THSD4: variants seen among roughly 807,000 people sequenced by gnomAD.
THSD4 encodes thrombospondin type 1 domain containing 4.
Under a neutral mutation model 119.0 loss-of-function variants are expected in THSD4, and 69 were observed. The ratio of observed to expected loss-of-function variants is 0.58; its 90% CI spans 0.48 to 0.71. THSD4 has a LOEUF of 0.71. THSD4 is among the 30% of genes least tolerant of loss of function. THSD4 has a pLI of 0.00. For synonymous variants in THSD4, 524 were observed against 540.4 expected (o/e 0.97, Z 0.42); for missense variants, 1,393 against 1,391.1 (o/e 1.00, Z -0.02).
intron 7 of THSD4, among the ~76,000 whole-genome samples, chr15:71,460,325 T>A (rs1487017281): frequency 6.6e-6 from 1 of 151,290 alleles, no homozygotes; most frequent in African/African-American, 2.4e-5. Context: ...TTTTTTTTTT[T>A]TTGAAAGCAT....
intron 7 of THSD4, among the ~76,000 whole-genome samples, chr15:71,555,120 C>T (rs149192475): frequency 6.6e-6 from 1 of 152,314 alleles, no homozygotes; most frequent in African/African-American, 2.4e-5. Context: ...GTGGCTCATG[C>T]CTCTGATCCC....
At chr15:71,643,407 C>T (rs555272992) in intron 7 of THSD4, among the ~76,000 whole-genome samples, 47 of 152,158 alleles carry the variant, frequency 3.1e-4, no homozygotes, top group South Asian at 6.2e-4. Context: ...TTTCATCACC[C>T]CAGTACGAAG....
intron 6 of THSD4, among the ~76,000 whole-genome samples, chr15:71,295,411 G>C (rs1286096907): frequency 6.6e-6 from 1 of 152,152 alleles, no homozygotes; most frequent in Non-Finnish European, 1.5e-5. Context: ...CCAGCTTCCT[G>C]CGAGTTAAGG....
At chr15:71,628,222 C>A (rs542140752) in intron 7 of THSD4, among the ~76,000 whole-genome samples, 3 of 152,038 alleles carry the variant, frequency 2.0e-5, no homozygotes, top group African/African-American at 7.2e-5. Context: ...AGGGAGGATT[C>A]CATTGACAGA....
intron 8 of THSD4, among the ~76,000 whole-genome samples, chr15:71,661,338 G>T (rs7180939): frequency 0.28 from 41,784 of 151,882 alleles, 6,435 homozygotes; most frequent in East Asian, 0.69. Context: ...TCTGGACTTT[G>T]GAGCTATTTG....
intron 6 of THSD4, among the ~76,000 whole-genome samples, chr15:71,275,896 C>T (rs1224642193): frequency 1.3e-5 from 2 of 152,176 alleles, no homozygotes; most frequent in Non-Finnish European, 2.9e-5. Context: ...TTTCTGAGGC[C>T]TCCCCAGCCA....
At chr15:71,299,793 G>C (rs2044918369) in intron 6 of THSD4, among the ~76,000 whole-genome samples, 1 of 151,702 alleles carries the variant, frequency 6.6e-6, no homozygotes, top group African/African-American at 2.4e-5. Context: ...AACACATATT[G>C]TACCCCATAA....
chr15:71,212,165 T>C (rs2140247424), intron 3 of THSD4, among the ~76,000 whole-genome samples: 1 of 152,342 alleles, frequency 6.6e-6, no homozygotes, highest in Non-Finnish European at 1.5e-5. Context: ...CTCTTTCTGT[T>C]TCTACTCCTT....
At chr15:71,218,958 A>G (rs76358560) in intron 4 of THSD4, among the ~76,000 whole-genome samples, 6,148 of 152,308 alleles carry the variant, frequency 0.04, 186 homozygotes, top group Non-Finnish European at 0.061. Flanking sequence ...AATAAAAGCC[A>G]GGTTTTGGGA....
Position 71,731,224 on chromosome 15 carries a change from T to A in THSD4, c.1630+7T>A. 6.2e-7 allele frequency: 1 copy of A among 1,613,780 alleles called. No homozygotes were observed. The highest frequency in any genetic ancestry group is 8.5e-7 in the Non-Finnish European group (1 of 1,179,680). ...CCACCCCACAGGAGACCAGGTAGAA[T>A]CCCTTGTCTTGTGGCCGGGGACTCT... On this transcript the variant is annotated splice_region_variant and intron_variant, in intron 10 of 17. Transcript: ENST00000261862.
Position 71,687,797 on chromosome 15 carries a change from C to T in THSD4, c.1357+27063C>T, listed in dbSNP as rs1310179113. On this transcript the variant is annotated intron_variant, in intron 8 of 17. Transcript: ENST00000261862. ...ACAAACCAGCACCTCAGAAATTCAT[C>T]TGTATCAACCATTCATCAATCAAAA... Among the ~76,000 whole-genome samples the T allele has an allele frequency of 7.4e-5, 11 of 149,382 alleles. No homozygotes were observed. The South Asian group carries it at 1.3e-3, about 17-fold the overall frequency.
intron 6 of THSD4, among the ~76,000 whole-genome samples, chr15:71,316,206 CTCTTCTGG>C (rs2045184639): frequency 6.6e-6 from 1 of 152,292 alleles, no homozygotes; most frequent in East Asian, 1.9e-4. Context: ...TTCCTGTCCT[CTCTTCTGG>C]TCTTCATTCT....
At chr15:71,334,882 A>G (rs2045471777) in intron 6 of THSD4, among the ~76,000 whole-genome samples, 1 of 152,132 alleles carries the variant, frequency 6.6e-6, no homozygotes, top group Non-Finnish European at 1.5e-5. Context: ...ACAAAGGGGG[A>G]ATCCGTTACA....
chr15:71,657,537 G>T (rs539263152), intron 7 of THSD4, among the ~76,000 whole-genome samples: 1 of 152,194 alleles, frequency 6.6e-6, no homozygotes, highest in Non-Finnish European at 1.5e-5. Flanking sequence ...CTTGCTTTGT[G>T]AAGTAAAGGA....
intron 7 of THSD4, among the ~76,000 whole-genome samples, chr15:71,440,949 TTTG>T (rs1260615447): frequency 1.3e-5 from 2 of 152,124 alleles, no homozygotes. Flanking sequence ...AATCTGTTTT[TTTG>T]TTGTTGTTTA....
At chr15:71,260,422 TTCCA>T (rs1231181074) in intron 6 of THSD4, among the ~76,000 whole-genome samples, 1 of 152,190 alleles carries the variant, frequency 6.6e-6, no homozygotes, top group African/African-American at 2.4e-5. Context: ...TCACAAATAT[TTCCA>T]TCCTCTCTCT....
intron 7 of THSD4, among the ~76,000 whole-genome samples, chr15:71,578,644 T>C (rs566630880): frequency 3.9e-5 from 6 of 152,116 alleles, no homozygotes; most frequent in South Asian, 4.1e-4. Context: ...GCCTATAGTA[T>C]ACTCTTAAGT....
At chr15:71,133,645 C>T (rs2040523302) in intron 1 of THSD4, among the ~76,000 whole-genome samples, 2 of 152,138 alleles carry the variant, frequency 1.3e-5, no homozygotes, top group South Asian at 4.1e-4. Flanking sequence ...GGAAGAAAAG[C>T]GCTCTTACTC....
At position 71,172,686 on chromosome 15, in the gene THSD4, T is replaced by C. The variant is rs189025413; in HGVS notation, c.99+17754T>C. On this transcript the variant is annotated intron_variant, in intron 3 of 17. Coordinates refer to ENST00000261862, the MANE Select transcript of THSD4 (RefSeq NM_024817.3). Reference sequence around the variant, plus strand: ...CAGCATGAAAATAGACCTATACATATATATATATATATATATATATATATA... The same window carrying C: ...CAGCATGAAAATAGACCTATACATACATATATATATATATATATATATATA... Among the ~76,000 whole-genome samples, 72 of 11,244 alleles carry C rather than the reference T, an allele frequency of 6.4e-3. 1 individual carries two copies. The East Asian group carries it at 0.14, about 21-fold the overall frequency. The allele number at this position is 11,244 out of a possible 152,430, so 7.4% of individuals were successfully genotyped here.
Sources: allele counts gnomAD v4.1 joint callset (sites outside exome capture counted in the v4.1 genomes callset), GRCh38; gene constraint gnomAD v4.1.1; transcripts MANE v1.5; gene names NCBI Gene and HGNC (gene_info 2026-07-23, HGNC 2026-07-21).